The following SEL1L3 variants were observed in gnomAD, a reference collection of about 807,000 sequenced individuals.
SEL1L3 encodes SEL1L family member 3, also known as protein sel-1 homolog 3.
Under a neutral mutation model 142.8 loss-of-function variants are expected in SEL1L3, and 76 were observed. The observed-to-expected ratio is 0.53, with a 90% CI of 0.44 to 0.64. The LOEUF is 0.64. Among genes scored for constraint, SEL1L3 ranks in the 30% least tolerant of loss-of-function variants. The pLI is 0.00. For synonymous variants in SEL1L3, 504 were observed against 519.6 expected, an observed-to-expected ratio of 0.97 and a Z score of 0.41; for missense variants, 1,262 against 1,381.7, an observed-to-expected ratio of 0.91 and a Z score of 1.37.
At chr4:25,847,989 C>G (rs768297484) in intron 1 of SEL1L3, 125 bp from the exon 2 acceptor site, 119 of 654,436 alleles carry the variant, frequency 1.8e-4, no homozygotes, top group Admixed American at 8.7e-4. Flanking sequence ...TGAATGAATG[C>G]GGGAGATAAA....
rs1715565286 is a variant in SEL1L3, at chr4:25,833,331, G to A, written c.982+117C>T. 16 of 983,394 alleles carry A rather than the reference G, an allele frequency of 1.6e-5. No homozygotes were observed. The South Asian group carries it at 2.7e-4, about 16-fold the overall frequency. 60.9% of individuals were successfully genotyped at this position (983,394 alleles called of 1,614,324 possible). A position where few individuals can be genotyped will look rare whatever the true frequency, so the allele number is the denominator to read the frequency against. On this transcript the variant is annotated intron_variant, in intron 4 of 23. Coordinates refer to ENST00000399878, the MANE Select transcript of SEL1L3 (RefSeq NM_015187.5). ...TTGAAGCCCACATTTGGAAGTCATT[G>A]CTCTTGCTGGGCTGCCATGTTGACA... is the stretch of plus-strand genomic sequence containing the variant.
intron 11 of SEL1L3, among the ~76,000 whole-genome samples, chr4:25,797,411 G>A (rs1228902355): frequency 6.6e-6 from 1 of 152,128 alleles, no homozygotes; most frequent in East Asian, 1.9e-4. Flanking sequence ...TTTAAAATCA[G>A]CTATAATGTT....
At chr4:25,717,459 A>T in the SEL1L3 span, among the ~76,000 whole-genome samples, 1 of 152,174 alleles carries the variant, frequency 6.6e-6, no homozygotes, top group Non-Finnish European at 1.5e-5. Flanking sequence ...TGAGGTCAGG[A>T]GTTTGAGACC....
chr4:25,746,691 T>C (rs1286061167), downstream of SEL1L3, among the ~76,000 whole-genome samples: 1 of 151,736 alleles, frequency 6.6e-6, no homozygotes, highest in Non-Finnish European at 1.5e-5. Context: ...GTAAGACATG[T>C]CTGCTTCTCC....
At chr4:25,766,227 T>C (rs1286433029) in intron 19 of SEL1L3, among the ~76,000 whole-genome samples, 3 of 152,110 alleles carry the variant, frequency 2.0e-5, no homozygotes, top group Non-Finnish European at 2.9e-5. Context: ...TCACTGCAGG[T>C]CAGGAGTTCA....
chr4:25,714,521 T>TTTCTTTCTTTCTTTC, the SEL1L3 span, among the ~76,000 whole-genome samples: 1 of 111,612 alleles, frequency 9.0e-6, no homozygotes, highest in Non-Finnish European at 2.1e-5. Flanking sequence ...TCTTTCTTTC[T>TTTCTTTCTTTCTTTC]TTCTTTCTTT....
At chr4:25,737,947 T>C in the SEL1L3 span, among the ~76,000 whole-genome samples, 1 of 152,128 alleles carries the variant, frequency 6.6e-6, no homozygotes, top group Admixed American at 6.6e-5. Context: ...TGGAGTGCAA[T>C]AGCACCATCT....
intron 6 of SEL1L3, among the ~76,000 whole-genome samples, chr4:25,828,341 A>G (rs1715223041): frequency 6.6e-6 from 1 of 151,360 alleles, no homozygotes; most frequent in Non-Finnish European, 1.5e-5. Context: ...TCTGATTTAG[A>G]AGCTCTGGAG....
chr4:25,813,866 CTT>C (rs935623990), intron 9 of SEL1L3, among the ~76,000 whole-genome samples: 2 of 152,204 alleles, frequency 1.3e-5, no homozygotes, highest in Non-Finnish European at 2.9e-5. Flanking sequence ...GGAGGACACT[CTT>C]TTCCACTTCC....
chr4:25,830,598 G>T (rs1715372379), intron 5 of SEL1L3, among the ~76,000 whole-genome samples: 1 of 152,126 alleles, frequency 6.6e-6, no homozygotes, highest in African/African-American at 2.4e-5. Context: ...CTTTCCCTAA[G>T]CACTGGGAAT....
In SEL1L3 at chr4:25,820,922, G is replaced by T. The variant is rs186042231; in HGVS notation, c.1291-982C>A. On this transcript the variant is annotated intron_variant, in intron 7 of 23. Transcript: ENST00000399878. ...TAATTTTTGTATTTTTAGTAGACAC[G>T]GGGTTTCACCTTGTTGGCTGGTCTC... 1.3e-3 allele frequency among the ~76,000 whole-genome samples: 194 copies of T among 152,212 alleles called. 1 individual carries two copies. The highest frequency in any genetic ancestry group is 4.4e-3 in the African/African-American group (181 of 41,530).
At chr4:25,794,336 C>G (rs190030491) in intron 11 of SEL1L3, among the ~76,000 whole-genome samples, 1 of 151,928 alleles carries the variant, frequency 6.6e-6, no homozygotes, top group African/African-American at 2.4e-5. Flanking sequence ...AGAAAAAAAA[C>G]CAAACAACTT....
rs1717809733 is a variant in SEL1L3, at chr4:25,862,677, G to A, written c.160C>T (p.Leu54=). Residue 54 remains leucine, a splice_region_variant and synonymous_variant, in exon 1 of 24, where the codon CTG becomes TTG. Transcript: ENST00000399878. ...SACALLLLCY[L]NVVPSLGRQT... is the part of the protein sequence containing the mutation. ...CCCGGGCAGGGTCCGGCGCTCACCA[G>A]GTAGCAGAGCAGGAGCAGCGCGCAG... 2.3e-6 allele frequency: 3 copies of A among 1,295,424 alleles called. No individual in the cohort carries two copies. The highest frequency in any genetic ancestry group is 3.1e-5 in the African/African-American group (2 of 64,668). The allele number at this position is 1,295,424 out of a possible 1,614,324, so 80.2% of individuals were successfully genotyped here.
At chr4:25,824,368 C>T (rs1311645326) in intron 6 of SEL1L3, among the ~76,000 whole-genome samples, 1 of 152,216 alleles carries the variant, frequency 6.6e-6, no homozygotes, top group Non-Finnish European at 1.5e-5. Context: ...GGGATGCTCA[C>T]CGCCTCACTG....
intron 10 of SEL1L3, among the ~76,000 whole-genome samples, chr4:25,802,727 G>A (rs1253090629): frequency 3.3e-5 from 5 of 152,178 alleles, no homozygotes; most frequent in African/African-American, 1.2e-4. Context: ...GACTACAGGC[G>A]TGCACCACAA....
At chr4:25,763,250 A>G (rs1248004807) in intron 20 of SEL1L3, among the ~76,000 whole-genome samples, 1 of 152,024 alleles carries the variant, frequency 6.6e-6, no homozygotes, top group African/African-American at 2.4e-5. Context: ...GTTTATTTCT[A>G]TAGCAAATGC....
In SEL1L3 at chr4:25,804,665, A is replaced by G; in HGVS notation, c.1652T>C (p.Leu551Pro). 4.3e-6 allele frequency: 7 copies of G among 1,613,678 alleles called. No homozygotes were observed. Among genetic ancestry groups the G allele is most frequent in the Non-Finnish European group, 5.9e-6 (7 of 1,179,564 alleles). Residue 551 changes from leucine (L) to proline (P), a missense_variant, in exon 10 of 24, where the codon CTT becomes CCT. Transcript: ENST00000399878. ...GGGGACGATAGAGCTAATTTGGTGA[A>G]GACCATCAATGCTAGAGAGTCTCTT... ...AVKRLSSIDG[L>P]HQISSIVPFL...
chr4:25,776,551 C>G (rs538774578), intron 16 of SEL1L3, 191 bp from the exon 17 acceptor site: 1 of 552,320 alleles, frequency 1.8e-6, no homozygotes, highest in East Asian at 3.0e-5. Flanking sequence ...AGTGCCCTTT[C>G]TTATGAATGA....
At chr4:25,785,046 G>T (rs971099534) in intron 13 of SEL1L3, among the ~76,000 whole-genome samples, 1 of 152,176 alleles carries the variant, frequency 6.6e-6, no homozygotes, top group African/African-American at 2.4e-5. Context: ...CCAGGCAAGG[G>T]GGTGGAGGTG....
Sources: gnomAD v4.1 joint callset for allele counts (sites outside exome capture counted in the v4.1 genomes callset) on GRCh38, gnomAD v4.1.1 for gene constraint, MANE v1.5 for transcripts, NCBI Gene and HGNC (gene_info 2026-07-23, HGNC 2026-07-21) for gene names.